Variants in DNAH7 observed in about 807,000 individuals in gnomAD.
The protein encoded by DNAH7 is dynein axonemal heavy chain 7, also known as axonemal beta dynein heavy chain 7.
Under a neutral mutation model 444.6 loss-of-function variants are expected in DNAH7, and 397 were observed. The ratio of observed to expected loss-of-function variants is 0.89; its 90% CI spans 0.82 to 0.97. DNAH7 has a LOEUF of 0.97. Ranked by LOEUF, DNAH7 falls within the 50% of genes least tolerant of loss-of-function variation. The pLI is 0.00. For missense variants in DNAH7, 4,902 were observed against 4,800.8 expected, an observed-to-expected ratio of 1.02 and a Z score of -0.62; for synonymous variants, 1,636 against 1,624.4, an observed-to-expected ratio of 1.01 and a Z score of -0.17.
chr2:195,847,717 T>G (rs1699094850), intron 46 of DNAH7, among the ~76,000 whole-genome samples: 1 of 152,188 alleles, frequency 6.6e-6, no homozygotes, highest in African/African-American at 2.4e-5. Flanking sequence ...TCCAAGTATT[T>G]TCTTTATGTT....
intron 19 of DNAH7, among the ~76,000 whole-genome samples, chr2:195,941,751 GT>G (rs1249352747): frequency 6.6e-6 from 1 of 152,148 alleles, no homozygotes; most frequent in Middle Eastern, 3.4e-3. Flanking sequence ...GGAAATGTAG[GT>G]TGACAGAGTA....
intron 19 of DNAH7, among the ~76,000 whole-genome samples, chr2:195,943,277 A>C (rs1689583603): frequency 6.6e-6 from 1 of 152,172 alleles, no homozygotes; most frequent in Admixed American, 6.6e-5. Context: ...TCTTCAATAT[A>C]AGCCAATTCA....
chr2:195,927,095 G>A (rs952367395), intron 21 of DNAH7, among the ~76,000 whole-genome samples: 2 of 152,252 alleles, frequency 1.3e-5, no homozygotes, highest in South Asian at 4.1e-4. Context: ...CCAAAGCAAT[G>A]ATGACAGAGA....
chr2:195,972,576 CTT>C, intron 15 of DNAH7, 110 bp from the exon 16 acceptor site: 1 of 778,126 alleles, frequency 1.3e-6, no homozygotes, highest in Non-Finnish European at 2.1e-6. Context: ...GAAGTCAACA[CTT>C]TTGGTTCAAA....
At chr2:195,744,029 C>T (rs138824064) in intron 63 of DNAH7, among the ~76,000 whole-genome samples, 42 of 152,334 alleles carry the variant, frequency 2.8e-4, no homozygotes, top group African/African-American at 7.9e-4. Context: ...GTGGGTGCAG[C>T]GCACCATGCG....
intron 2 of DNAH7, among the ~76,000 whole-genome samples, chr2:196,056,318 A>G (rs938988859): frequency 1.3e-5 from 2 of 150,604 alleles, no homozygotes; most frequent in African/African-American, 4.9e-5. Context: ...GGTGGCATAC[A>G]CCTGTAATCC....
In DNAH7 at chr2:195,762,443, A is replaced by T. The variant is rs535561383; in HGVS notation, c.11434-6158T>A. On this transcript the variant is annotated intron_variant, in intron 61 of 64. Transcript: ENST00000312428. ...CAAAACACATACAGTGGCTGAATGA[A>T]TTTTTTTAAAAAACAAGACTCAATG... Among the ~76,000 whole-genome samples the T allele has an allele frequency of 5.9e-5, 9 of 152,254 alleles. No individual in the cohort carries two copies. The East Asian group carries it at 1.5e-3, about 26-fold the overall frequency.
chr2:195,753,277 G>A (rs1018799784), intron 63 of DNAH7, among the ~76,000 whole-genome samples: 4 of 151,986 alleles, frequency 2.6e-5, no homozygotes, highest in African/African-American at 9.7e-5. Flanking sequence ...AGGGCAAAGA[G>A]GGCATAAGTG....
chr2:195,916,874 C>T (rs976547171), intron 24 of DNAH7, among the ~76,000 whole-genome samples: 8 of 151,452 alleles, frequency 5.3e-5, no homozygotes, highest in African/African-American at 1.9e-4. Context: ...TGGAGGCGGG[C>T]GGATCACGAG....
chr2:195,942,746 G>A (rs1689543313), intron 19 of DNAH7, among the ~76,000 whole-genome samples: 1 of 152,032 alleles, frequency 6.6e-6, no homozygotes, highest in African/African-American at 2.4e-5. Context: ...TGGTTAATTG[G>A]TGAGACATGT....
At chr2:195,826,152 T>C (rs1444567886) in intron 48 of DNAH7, among the ~76,000 whole-genome samples, 1 of 152,248 alleles carries the variant, frequency 6.6e-6, no homozygotes, top group Non-Finnish European at 1.5e-5. Flanking sequence ...AATTACTTAA[T>C]CAGGCTGGAG....
In DNAH7 at chr2:195,895,228, A is replaced by T. The variant is rs1279940035; in HGVS notation, c.4648-4T>A. The T allele has an allele frequency of 6.3e-7, 1 of 1,587,654 alleles. No individual in the cohort carries two copies. The highest frequency in any genetic ancestry group is 2.2e-5 in the East Asian group (1 of 44,598). ...GAAACAAATCCGAAGTAATTCCCTG[A>T]TGATAGATGATTTGAAGGATTTACA... is the stretch of plus-strand genomic sequence containing the variant. On this transcript the variant is annotated splice_polypyrimidine_tract_variant and splice_region_variant and intron_variant, in intron 29 of 64. Coordinates refer to ENST00000312428, the MANE Select transcript of DNAH7 (RefSeq NM_018897.3).
intron 28 of DNAH7, 82 bp from the exon 29 acceptor site, chr2:195,897,847 C>T (rs1002803115): frequency 7.6e-6 from 5 of 658,536 alleles, no homozygotes; most frequent in Non-Finnish European, 1.3e-5. Context: ...TACACACAAA[C>T]CTACAGACCC....
chr2:195,853,621 T>C (rs1309083943), intron 45 of DNAH7, 93 bp from the exon 46 acceptor site: 5 of 1,265,538 alleles, frequency 4.0e-6, no homozygotes, highest in Non-Finnish European at 5.3e-6. Context: ...ATTATTATTT[T>C]TAATGACAGA....
Position 195,817,818 on chromosome 2 carries a change from T to C in DNAH7, c.9303A>G (p.Leu3101=). 6.3e-7 allele frequency: 1 copy of C among 1,584,628 alleles called. No individual in the cohort carries two copies. The highest frequency in any genetic ancestry group is 1.2e-5 in the South Asian group (1 of 85,178). ...LPETSVKVTL[L]NFMITPEGMQ... ...TTCCCTCAGGGGTTATCATGAAGTT[T>C]AATAATGTTACCTATAAATGAAAAA... Residue 3101 remains leucine (L), a synonymous_variant, in exon 50 of 65, where the codon TTA becomes TTG. Coordinates refer to ENST00000312428, the MANE Select transcript of DNAH7 (RefSeq NM_018897.3).
chr2:195,815,941 G>A (rs781144776), intron 51 of DNAH7, among the ~76,000 whole-genome samples: 3 of 152,182 alleles, frequency 2.0e-5, no homozygotes, highest in Non-Finnish European at 2.9e-5. Context: ...TGCGTGAGCC[G>A]AGATTGCGCC....
chr2:195,805,017 C>T (rs1364291080), intron 54 of DNAH7, among the ~76,000 whole-genome samples: 1 of 152,112 alleles, frequency 6.6e-6, no homozygotes, highest in Non-Finnish European at 1.5e-5. Flanking sequence ...ACCTGTCCCC[C>T]ACCAAAAAAA....
intron 12 of DNAH7, among the ~76,000 whole-genome samples, chr2:195,993,403 A>C (rs1693478561): frequency 6.6e-6 from 1 of 152,066 alleles, no homozygotes; most frequent in Admixed American, 6.6e-5. Context: ...TGTCACAGGA[A>C]TACATAAATG....
chr2:195,997,069 T>C (rs1260706372), intron 12 of DNAH7, among the ~76,000 whole-genome samples: 1 of 152,234 alleles, frequency 6.6e-6, no homozygotes, highest in African/African-American at 2.4e-5. Context: ...ATGTACTGTG[T>C]GCAATGTAAA....
Sources: allele counts gnomAD v4.1 joint callset (sites outside exome capture counted in the v4.1 genomes callset), GRCh38; gene constraint gnomAD v4.1.1; transcripts MANE v1.5; gene names NCBI Gene and HGNC (gene_info 2026-07-23, HGNC 2026-07-21).